ALDH3B1: variants seen among roughly 807,000 people sequenced by gnomAD.
ALDH3B1 encodes the protein aldehyde dehydrogenase family 3 member B1.
Under a neutral mutation model 46.2 loss-of-function variants are expected in ALDH3B1, and 37 were observed. The observed-to-expected ratio is 0.80, with a 90% confidence interval of 0.62 to 1.05. ALDH3B1 has a LOEUF of 1.05. Among genes scored for constraint, ALDH3B1 ranks in the 50% least tolerant of loss-of-function variants. ALDH3B1 has a pLI of 0.00. For synonymous variants in ALDH3B1, 283 were observed against 281.0 expected (o/e 1.01, Z -0.07); for missense variants, 603 against 665.5 (o/e 0.91, Z 1.03).
Position 68,015,401 on chromosome 11 carries a change from G to T in ALDH3B1, c.104G>T (p.Arg35Leu), listed in dbSNP as rs751810727. ...GCTGCGCAGCTCCAAGGCCTGGGCC[G>T]CTTCCTGCAAGAAAACAAGCAGCTT... ...FRAAQLQGLG[R>L]FLQENKQLLH... Residue 35 changes from arginine (R) to leucine (L), a missense_variant, in exon 2 of 10, where the codon CGC (arginine) becomes CTC (leucine). Physicochemically the swap from Arg to Leu is moderately radical, Grantham distance 102. Transcript: ENST00000342456. 6.4e-7 allele frequency: 1 copy of T among 1,554,578 alleles called. No homozygotes were observed. The highest frequency in any genetic ancestry group is 2.4e-5 in the East Asian group (1 of 41,282).
chr11:68,019,756 G>A lies in ALDH3B1; in HGVS notation c.522G>A (p.Gly174=). Residue 174 remains glycine, a synonymous_variant, in exon 6 of 10, where the codon GGG becomes GGA. Coordinates refer to ENST00000342456, the MANE Select transcript of ALDH3B1 (RefSeq NM_000694.4). ...AVVLGGPQET[G]QLLEHRFDYI... ...TGCTGGGCGGGCCCCAGGAGACGGG[G>A]CAGCTGCTAGAGCACAGGTTCGACT... The A allele has an allele frequency of 3.1e-6, 5 of 1,614,196 alleles. No homozygotes were observed. Among genetic ancestry groups the A allele is most frequent in the Non-Finnish European group, 4.2e-6 (5 of 1,179,994 alleles).
Position 68,027,910 on chromosome 11 carries a change from G to A in ALDH3B1, c.1378G>A (p.Ala460Thr). The change falls in exon 10 of 10, where the codon GCC (alanine) becomes ACC (threonine). Residue 460 changes from alanine (A) to threonine (T), a missense_variant. By Grantham distance (58) the Ala-to-Thr change is moderately conservative. Coordinates refer to ENST00000342456, the MANE Select transcript of ALDH3B1 (RefSeq NM_000694.4). Reference sequence around the variant, plus strand: ...GAGGATGCTGCTGGTGGCCATGGAGGCCCAAGGCTGCAGCTGCACACTGCT... The same window carrying A: ...GAGGATGCTGCTGGTGGCCATGGAGACCCAAGGCTGCAGCTGCACACTGCT... Reference protein sequence around the residue: ...RLRMLLVAMEAQGCSCTLL With the variant: ...RLRMLLVAMETQGCSCTLL 1 of 1,557,906 alleles carries A rather than the reference G, an allele frequency of 6.4e-7. No individual in the cohort carries two copies. Among genetic ancestry groups the A allele is most frequent in the South Asian group, 1.2e-5 (1 of 85,064 alleles).
intron 5 of ALDH3B1, 76 bp downstream of exon 5, chr11:68,019,331 C>A: frequency 7.4e-7 from 1 of 1,343,390 alleles, no homozygotes; most frequent in Middle Eastern, 1.9e-4. Context: ...CATGGAAGGG[C>A]CTGTCAGTCA....
At chr11:68,020,908 G>A (rs1434712386) in intron 6 of ALDH3B1, among the ~76,000 whole-genome samples, 2 of 152,202 alleles carry the variant, frequency 1.3e-5, no homozygotes, top group Non-Finnish European at 2.9e-5. Flanking sequence ...TGCGGAGACT[G>A]CTGGGCCCCT....
chr11:68,024,813 G>C (rs1311282592), intron 8 of ALDH3B1: 1 of 152,132 alleles, frequency 6.6e-6, no homozygotes, highest in African/African-American at 2.4e-5. Flanking sequence ...TGTTTATTTA[G>C]GTCACTACGG....
chr11:68,022,742 C>T lies in ALDH3B1; in HGVS notation c.1097C>T (p.Ala366Val). 1.2e-6 allele frequency: 2 copies of T among 1,614,104 alleles called. No individual in the cohort carries two copies. The highest frequency in any genetic ancestry group is 3.3e-5 in the Admixed American group (2 of 60,030). ...CGGGAGAAGCCCCTGGCCCTGTACG[C>T]CTTCTCCAACAGCAGCCAGGTGGGG... Reference protein sequence around the residue: ...NRREKPLALYAFSNSSQVVKR... With the variant: ...NRREKPLALYVFSNSSQVVKR... Residue 366 changes from alanine (A) to valine (V), a missense_variant, in exon 8 of 10, where the codon GCC (alanine) becomes GTC (valine). By Grantham distance (64) the Ala-to-Val change is moderately conservative. Transcript: ENST00000342456.
At chr11:68,025,640 A>C (rs1188623359) in intron 8 of ALDH3B1, among the ~76,000 whole-genome samples, 2 of 152,062 alleles carry the variant, frequency 1.3e-5, no homozygotes, top group Non-Finnish European at 2.9e-5. Flanking sequence ...CTCAGCAGGC[A>C]CATGACACCC....
At chr11:68,019,616 G>C (rs1366743726) in intron 5 of ALDH3B1, 99 bp from the exon 6 acceptor site, 2 of 1,358,168 alleles carry the variant, frequency 1.5e-6, no homozygotes. Flanking sequence ...GTCAGGCCAG[G>C]CGGGGTGGAG....
At chr11:68,022,868 G>C in intron 8 of ALDH3B1, 107 bp downstream of exon 8, 1 of 1,490,844 alleles carries the variant, frequency 6.7e-7, no homozygotes, top group Non-Finnish European at 9.1e-7. Flanking sequence ...CTTTGGGATG[G>C]TGGACCTCTT....
chr11:68,019,912 C>G (rs1857450331), intron 6 of ALDH3B1, 116 bp downstream of exon 6: 1 of 1,092,300 alleles, frequency 9.2e-7, no homozygotes, highest in Non-Finnish European at 1.3e-6. Context: ...CTCTCTCTCT[C>G]TGGACCAGGC....
intron 1 of ALDH3B1, among the ~76,000 whole-genome samples, chr11:68,012,502 G>C (rs986273376): frequency 2.6e-5 from 4 of 152,224 alleles, no homozygotes; most frequent in Admixed American, 1.3e-4. Context: ...CCTGTGATGG[G>C]GGGCCACGCC....
intron 2 of ALDH3B1, chr11:68,015,742 T>G (rs1343034513): frequency 8.4e-6 from 5 of 597,732 alleles, no homozygotes. Flanking sequence ...GATGACCTTC[T>G]ATCGGAGACA....
Position 68,027,438 on chromosome 11 carries a change from C to T in ALDH3B1, c.1217-311C>T, listed in dbSNP as rs554820528. ...CCTTGTCACCCCACGACAGAGGAGA[C>T]TGAGGCACAGTCCAAGGTGACATGG... On this transcript the variant is annotated intron_variant, in intron 9 of 9. Transcript: ENST00000342456. Among the ~76,000 whole-genome samples, 8 of 152,314 alleles carry T rather than the reference C, an allele frequency of 5.3e-5. No individual in the cohort carries two copies. In the East Asian group the frequency reaches 1.4e-3, roughly 26 times the overall value.
chr11:68,021,380 C>T (rs189655032), intron 6 of ALDH3B1, 105 bp from the exon 7 acceptor site: 1,218 of 1,495,882 alleles, frequency 8.1e-4, no homozygotes, highest in Non-Finnish European at 1.0e-3. Context: ...AGGGCTGCTG[C>T]CCGCTGACTC....
chr11:68,012,584 A>G (rs1857256305), intron 1 of ALDH3B1, among the ~76,000 whole-genome samples: 2 of 152,148 alleles, frequency 1.3e-5, no homozygotes, highest in African/African-American at 4.8e-5. Context: ...GCAGTCTCAG[A>G]CCCCACAACC....
intron 9 of ALDH3B1, among the ~76,000 whole-genome samples, chr11:68,026,570 G>A (rs181187589): frequency 6.6e-6 from 1 of 151,896 alleles, no homozygotes; most frequent in East Asian, 1.9e-4. Flanking sequence ...CCGGATGAGT[G>A]CCAATCCTCC....
chr11:68,019,642 G>A (rs1857439370), intron 5 of ALDH3B1, 73 bp from the exon 6 acceptor site: 1 of 1,542,338 alleles, frequency 6.5e-7, no homozygotes, highest in Non-Finnish European at 8.9e-7. Flanking sequence ...GCAGGGTCCA[G>A]GCAGGGCGGG....
chr11:68,012,213 C>T (rs1403208580), intron 1 of ALDH3B1, among the ~76,000 whole-genome samples: 5 of 152,148 alleles, frequency 3.3e-5, no homozygotes, highest in South Asian at 2.1e-4. Flanking sequence ...TTGGGGGCAG[C>T]GGCTCGGCCA....
At chr11:68,024,872 G>C (rs1416721413) in intron 8 of ALDH3B1, 1 of 152,130 alleles carries the variant, frequency 6.6e-6, no homozygotes, top group African/African-American at 2.4e-5. Flanking sequence ...AAGGTCGTGT[G>C]GTTTGTCTGA....
Sources: gnomAD v4.1 joint callset for allele counts (sites outside exome capture counted in the v4.1 genomes callset) on GRCh38, gnomAD v4.1.1 for gene constraint, MANE v1.5 for transcripts, NCBI Gene and HGNC (gene_info 2026-07-23, HGNC 2026-07-21) for gene names.